Variants in ALK observed in about 807,000 individuals in gnomAD.
ALK encodes the protein ALK tyrosine kinase receptor.
Under a neutral mutation model 163.1 loss-of-function variants are expected in ALK, and 74 were observed. The observed-to-expected ratio is 0.45, with a 90% CI of 0.38 to 0.55. The LOEUF (loss-of-function observed/expected upper bound fraction) is 0.55, where lower values mean the gene tolerates loss of function less well. Among genes scored for constraint, ALK ranks in the 20% least tolerant of loss-of-function variants. The pLI is 0.00. For synonymous variants in ALK, 960 were observed against 843.2 expected, an observed-to-expected ratio of 1.14 and a Z score of -2.40; for missense variants, 2,063 against 2,105.3, an observed-to-expected ratio of 0.98 and a Z score of 0.39.
Position 29,232,361 on chromosome 2 carries a change from C to T in ALK, c.2575G>A (p.Glu859Lys), listed in dbSNP as rs2148183312. 1.2e-6 allele frequency: 2 copies of T among 1,614,270 alleles called. No individual in the cohort carries two copies. The highest frequency in any genetic ancestry group is 1.7e-6 in the Non-Finnish European group (2 of 1,180,052). The change falls in exon 15 of 29, where the codon GAG becomes AAG. Residue 859 changes from glutamate to lysine, a missense_variant. By Grantham distance (56) the Glu-to-Lys change is moderately conservative. This residue lies in a region of ALK where 575 missense variants were observed against 626.6 expected (regional missense o/e 0.92). Transcript: ENST00000389048. ...YGAKTDTFHP[E>K]RLENNSSVLG... ...ACCGAGGAGTTATTCTCCAGTCTCT[C>T]TGGGTGGAACGTGTCTGTCTTGGCC... is the stretch of plus-strand genomic sequence containing the variant.
At chr2:29,474,343 G>C (rs1573384348) in intron 4 of ALK, among the ~76,000 whole-genome samples, 1 of 152,104 alleles carries the variant, frequency 6.6e-6, no homozygotes, top group East Asian at 1.9e-4. Flanking sequence ...GACTGGGAGG[G>C]GGCATAAGAT....
rs1443014958 is a variant in ALK, at chr2:29,193,327, T to C, written c.4760A>G (p.Gln1587Arg). 4.3e-6 allele frequency: 7 copies of C among 1,614,202 alleles called. No individual in the cohort carries two copies. Among genetic ancestry groups the C allele is most frequent in the Non-Finnish European group, 5.9e-6 (7 of 1,180,038 alleles). ...FPCGNVNYGYQQQGLPLEAAT... is the reference protein window; with the variant it reads ...FPCGNVNYGYRQQGLPLEAAT... ...GGCTTCTAAGGGCAAGCCCTGTTGC[T>C]GGTAGCCGTAATTGACATTCCCACA... Residue 1587 changes from glutamine (Q) to arginine (R), a missense_variant, in exon 29 of 29, where the codon CAG (glutamine) becomes CGG (arginine). This residue lies in a region of ALK where 403 missense variants were observed against 366.2 expected (regional missense o/e 1.10). Coordinates refer to ENST00000389048, the MANE Select transcript of ALK (RefSeq NM_004304.5).
intron 1 of ALK, among the ~76,000 whole-genome samples, chr2:29,765,667 G>A (rs892552903): frequency 2.0e-5 from 3 of 151,842 alleles, no homozygotes; most frequent in African/African-American, 4.8e-5. Flanking sequence ...AAAAATGCAT[G>A]TCAATTTTAA....
At chr2:29,314,625 T>C (rs1009127096) in intron 8 of ALK, among the ~76,000 whole-genome samples, 2 of 152,142 alleles carry the variant, frequency 1.3e-5, no homozygotes, top group South Asian at 2.1e-4. Flanking sequence ...TTGGATCAAA[T>C]TGCACTTCTG....
chr2:29,853,795 C>T (rs201287844), intron 1 of ALK, among the ~76,000 whole-genome samples: 3 of 134,102 alleles, frequency 2.2e-5, no homozygotes, highest in Non-Finnish European at 1.6e-5. Flanking sequence ...CTCCCTCCCT[C>T]CTCTTCTCTC....
At chr2:29,657,801 A>G (rs536631407) in intron 3 of ALK, among the ~76,000 whole-genome samples, 2 of 152,296 alleles carry the variant, frequency 1.3e-5, no homozygotes, top group South Asian at 2.1e-4. Context: ...GGCTGTAACT[A>G]ATGAGGTTAT....
At chr2:29,244,451 G>T (rs758872997) in intron 12 of ALK, among the ~76,000 whole-genome samples, 2 of 152,198 alleles carry the variant, frequency 1.3e-5, no homozygotes, top group African/African-American at 4.8e-5. Flanking sequence ...CAATTGTGGA[G>T]GCAGGTGCTT....
chr2:29,253,254 C>A (rs2148199600), intron 11 of ALK, among the ~76,000 whole-genome samples: 1 of 152,278 alleles, frequency 6.6e-6, no homozygotes, highest in South Asian at 2.1e-4. Flanking sequence ...CTTTTACTCA[C>A]TCCTGTGCCC....
At chr2:29,261,708 C>T (rs535224486) in intron 11 of ALK, among the ~76,000 whole-genome samples, 1 of 152,180 alleles carries the variant, frequency 6.6e-6, no homozygotes, top group Admixed American at 6.5e-5. Flanking sequence ...TTGTTTAGGG[C>T]TATTTGACTC....
At chr2:29,645,518 A>C (rs1676846988) in intron 3 of ALK, among the ~76,000 whole-genome samples, 2 of 152,108 alleles carry the variant, frequency 1.3e-5, no homozygotes, top group Admixed American at 6.5e-5. Context: ...AATCATCATA[A>C]AATCTTAGAA....
chr2:29,894,692 T>C (rs1667224697), intron 1 of ALK, among the ~76,000 whole-genome samples: 1 of 152,190 alleles, frequency 6.6e-6, no homozygotes, highest in Admixed American at 6.5e-5. Flanking sequence ...TATCATTCTA[T>C]TAATGTTTCA....
At chr2:29,675,260 A>G (rs1241381035) in intron 3 of ALK, among the ~76,000 whole-genome samples, 1 of 152,094 alleles carries the variant, frequency 6.6e-6, no homozygotes, top group Non-Finnish European at 1.5e-5. Context: ...TTTTGTAATT[A>G]AATTTTTTAT....
At chr2:29,359,839 AGCAGCAC>A (rs1160953697) in intron 5 of ALK, among the ~76,000 whole-genome samples, 11 of 152,210 alleles carry the variant, frequency 7.2e-5, no homozygotes, top group Non-Finnish European at 1.3e-4. Flanking sequence ...AACACAGTTA[AGCAGCAC>A]GGCCCTTTGG....
rs115996809 is a variant in ALK at position 29,259,004 on chromosome 2, A to G, written c.2042-7737T>C. ...CTATATGAAATACACATACATATGT[A>G]TATCACAAGGTACATCATGAGTTCA... On this transcript the variant is annotated intron_variant, in intron 11 of 28. Coordinates refer to ENST00000389048, the MANE Select transcript of ALK (RefSeq NM_004304.5). Among the ~76,000 whole-genome samples the G allele has an allele frequency of 8.6e-3, 1,306 of 152,324 alleles. 27 individuals are homozygous for G. Among genetic ancestry groups the G allele is most frequent in the African/African-American group, 0.03 (1,233 of 41,580 alleles).
At chr2:29,800,692 A>C (rs1303172579) in intron 1 of ALK, among the ~76,000 whole-genome samples, 1 of 152,180 alleles carries the variant, frequency 6.6e-6, no homozygotes, top group Non-Finnish European at 1.5e-5. Context: ...ACTTAACAAC[A>C]AGCTCTTCTC....
chr2:29,690,117 A>G (rs1678352353), intron 3 of ALK, among the ~76,000 whole-genome samples: 2 of 152,334 alleles, frequency 1.3e-5, no homozygotes, highest in African/African-American at 2.4e-5. Flanking sequence ...ACAGGAGTGC[A>G]TCAAAAATTT....
Position 29,208,492 on chromosome 2 carries a change from C to T in ALK, c.3837-1220G>A, listed in dbSNP as rs182334122. On this transcript the variant is annotated intron_variant, in intron 25 of 28. Coordinates refer to ENST00000389048, the MANE Select transcript of ALK (RefSeq NM_004304.5). ...TATTCTGAGGAGGGAGAGGAAGGAA[C>T]GCTGAGCTTGTGGGTAGTGTTAGAA... 2.8e-4 allele frequency among the ~76,000 whole-genome samples: 42 copies of T among 152,198 alleles called. No individual in the cohort carries two copies. The East Asian group carries it at 3.3e-3, about 12-fold the overall frequency.
intron 5 of ALK, among the ~76,000 whole-genome samples, chr2:29,366,532 A>T (rs1668513348): frequency 6.6e-6 from 1 of 152,144 alleles, no homozygotes; most frequent in Non-Finnish European, 1.5e-5. Context: ...GCAGACCTGG[A>T]GGTCCTGTGG....
intron 12 of ALK, among the ~76,000 whole-genome samples, chr2:29,247,181 C>G (rs571803486): frequency 6.6e-6 from 1 of 151,448 alleles, no homozygotes; most frequent in African/African-American, 2.5e-5. Flanking sequence ...CCCCGGCCTC[C>G]GCGGCAGCGC....
Sources: gnomAD v4.1 joint callset for allele counts (sites outside exome capture counted in the v4.1 genomes callset) on GRCh38, gnomAD v4.1.1 for gene constraint, gnomAD v4.1.1 regional missense constraint, MANE v1.5 for transcripts, NCBI Gene and HGNC (gene_info 2026-07-23, HGNC 2026-07-21) for gene names.